The following CASK variants were observed in gnomAD, a reference collection of about 807,000 sequenced individuals.
CASK encodes calcium/calmodulin dependent serine protein kinase, also known as peripheral plasma membrane protein CASK.
In CASK, 4 loss-of-function variants were observed where a neutral mutation model predicts 82.9. The observed-to-expected ratio is 0.05, with a 90% CI of 0.02 to 0.11. CASK has a LOEUF of 0.11. CASK is among the 10% of genes least tolerant of loss of function. The pLI is 1.00. For missense variants in CASK, 358 were observed against 720.9 expected, an observed-to-expected ratio of 0.50 and a Z score of 5.76; for synonymous variants, 259 against 253.5, an observed-to-expected ratio of 1.02 and a Z score of -0.20.
At chrX:41,812,588 T>C (rs1166171437) in intron 2 of CASK, among the ~76,000 whole-genome samples, 3 of 111,269 alleles carry the variant, frequency 2.7e-5, no homozygotes, top group Admixed American at 9.6e-5. Context: ...ATGGGACGTA[T>C]CTCAAAATAA....
At chrX:41,660,364 T>C in intron 8 of CASK, 75 bp downstream of exon 8, 1 of 889,957 alleles carries the variant, frequency 1.1e-6, no homozygotes, top group Non-Finnish European at 1.6e-6. Flanking sequence ...AAGGACCATC[T>C]CATAGAGCAA....
At chrX:41,834,742 G>T (rs1447841664) in intron 2 of CASK, among the ~76,000 whole-genome samples, 1 of 111,964 alleles carries the variant, frequency 8.9e-6, no homozygotes, top group Non-Finnish European at 1.9e-5. Context: ...TGCTAAGTTA[G>T]AATTTATTAT....
At chrX:41,629,545 C>T (rs914539277) in intron 9 of CASK, among the ~76,000 whole-genome samples, 9 of 111,452 alleles carry the variant, frequency 8.1e-5, no homozygotes, top group Non-Finnish European at 3.8e-5. Flanking sequence ...TCAATGACTA[C>T]TCTCCCCAGT....
intron 24 of CASK, 42 bp downstream of exon 24, chrX:41,534,664 G>T: frequency 9.9e-7 from 1 of 1,011,652 alleles, no homozygotes; most frequent in Non-Finnish European, 1.4e-6. Flanking sequence ...TTAAAAAAGT[G>T]ATAGGAAAAA....
chrX:41,744,432 G>A (rs1264808627), intron 4 of CASK, among the ~76,000 whole-genome samples: 2 of 107,169 alleles, frequency 1.9e-5, no homozygotes, highest in Non-Finnish European at 3.8e-5. Context: ...TGCAAGCTCC[G>A]CCTCCCGGGT....
intron 1 of CASK, among the ~76,000 whole-genome samples, chrX:41,860,019 T>C (rs1373519083): frequency 9.0e-6 from 1 of 111,219 alleles, no homozygotes; most frequent in Non-Finnish European, 1.9e-5. Context: ...TCATATATAC[T>C]TATAATATGT....
chrX:41,776,831 T>C (rs1181951618), intron 3 of CASK, among the ~76,000 whole-genome samples: 1 of 112,538 alleles, frequency 8.9e-6, no homozygotes, highest in East Asian at 2.8e-4. Flanking sequence ...AATTGGATGA[T>C]TCAACACTGT....
At position 41,518,193 on chromosome X, in the gene CASK, C is replaced by T. The variant is rs923589725; in HGVS notation, c.*2227G>A. On this transcript the variant is annotated 3_prime_UTR_variant, in exon 27 of 27. Coordinates refer to ENST00000378163, the MANE Select transcript of CASK (RefSeq NM_001367721.1). ...TGTGGGCTCAAAGGGCAAGTGGGGGCGTGGGGGTTTCCACTAGAGGGAGGG... is the reference window on the plus strand; with the variant it reads ...TGTGGGCTCAAAGGGCAAGTGGGGGTGTGGGGGTTTCCACTAGAGGGAGGG... 1.1e-4 allele frequency: 14 copies of T among 130,149 alleles called. No homozygotes were observed. Among genetic ancestry groups the T allele is most frequent in the Non-Finnish European group, 2.0e-4 (13 of 65,005 alleles). 10.7% of individuals were successfully genotyped at this position (130,149 alleles called of 1,213,427 possible).
Position 41,692,442 on chromosome X carries a change from G to GT in CASK, c.430-20913dup, listed in dbSNP as rs2067587710. On this transcript the variant is annotated intron_variant, in intron 5 of 26. Transcript: ENST00000378163. ...GTGGTAGTCTCAAAAATCTCCAGTG[G>GT]TAAGATCCTTATATTGCCTCCCAAG... is the stretch of plus-strand genomic sequence containing the variant. 1.8e-5 allele frequency among the ~76,000 whole-genome samples: 2 copies of GT among 112,159 alleles called. 1 individual carries two copies. Among genetic ancestry groups the GT allele is most frequent in the Admixed American group, 1.9e-4 (2 of 10,620 alleles).
intron 1 of CASK, among the ~76,000 whole-genome samples, chrX:41,889,869 G>C (rs1291311572): frequency 9.0e-6 from 1 of 111,680 alleles, no homozygotes; most frequent in Non-Finnish European, 1.9e-5. Flanking sequence ...TCAAAAGACT[G>C]AGGGAATGAT....
chrX:41,800,480 T>C (rs2069970913), intron 2 of CASK, among the ~76,000 whole-genome samples: 1 of 111,369 alleles, frequency 9.0e-6, no homozygotes, highest in African/African-American at 3.3e-5. Context: ...TATTTTTATT[T>C]ATTTTTATTT....
chrX:41,545,818 T>C (rs1361366275), intron 21 of CASK, among the ~76,000 whole-genome samples: 1 of 110,271 alleles, frequency 9.1e-6, no homozygotes, highest in Non-Finnish European at 1.9e-5. Flanking sequence ...TCTCGAGATA[T>C]AATTCCCCCC....
At chrX:41,785,151 C>T (rs1248933167) in intron 3 of CASK, among the ~76,000 whole-genome samples, 2 of 108,342 alleles carry the variant, frequency 1.8e-5, no homozygotes, top group Admixed American at 2.0e-4. Context: ...GGACTACAGG[C>T]GTGTGCCACC....
chrX:41,610,118 A>C, intron 11 of CASK, 93 bp from the exon 12 acceptor site: 2 of 905,430 alleles, frequency 2.2e-6, no homozygotes, highest in Non-Finnish European at 3.1e-6. Context: ...AGAACAATGA[A>C]TTCATATCAG....
chrX:41,682,972 T>G (rs2067386210), intron 5 of CASK, among the ~76,000 whole-genome samples: 1 of 110,911 alleles, frequency 9.0e-6, no homozygotes, highest in Admixed American at 9.6e-5. Flanking sequence ...CTTCTGTTCC[T>G]TATTAATAGA....
At chrX:41,804,992 C>T (rs746451617) in intron 2 of CASK, among the ~76,000 whole-genome samples, 1 of 111,946 alleles carries the variant, frequency 8.9e-6, no homozygotes, top group Non-Finnish European at 1.9e-5. Flanking sequence ...CCTACTTTAA[C>T]GTAAGCACTC....
intron 3 of CASK, among the ~76,000 whole-genome samples, chrX:41,782,761 C>T (rs1446565473): frequency 8.9e-6 from 1 of 111,850 alleles, no homozygotes; most frequent in African/African-American, 3.3e-5. Flanking sequence ...CACTAAGTCC[C>T]CTTTGATACA....
chrX:41,532,543 T>G (rs2064819349), intron 24 of CASK, among the ~76,000 whole-genome samples: 1 of 111,443 alleles, frequency 9.0e-6, no homozygotes, highest in African/African-American at 3.3e-5. Flanking sequence ...AACACTGGTT[T>G]TAATATTCTC....
intron 1 of CASK, among the ~76,000 whole-genome samples, chrX:41,884,261 A>T (rs2072007641): frequency 8.9e-6 from 1 of 112,020 alleles, no homozygotes; most frequent in Non-Finnish European, 1.9e-5. Flanking sequence ...CTTTTACTAA[A>T]GTTATCCTAT....
Sources: gnomAD v4.1 joint callset for allele counts (sites outside exome capture counted in the v4.1 genomes callset) on GRCh38, gnomAD v4.1.1 for gene constraint, MANE v1.5 for transcripts, NCBI Gene and HGNC (gene_info 2026-07-23, HGNC 2026-07-21) for gene names.